The following SLC4A1 variants were observed in gnomAD, a reference collection of about 807,000 sequenced individuals.
SLC4A1 encodes band 3 anion transport protein.
A neutral mutation model predicts 93.1 loss-of-function variants in SLC4A1; 29 were observed. That is an observed-to-expected ratio of 0.31 (90% CI 0.23 to 0.42). The LOEUF is 0.42. SLC4A1 is among the 20% of genes least tolerant of loss of function. SLC4A1 has a pLI of 1.00. For synonymous variants in SLC4A1, 469 were observed against 497.2 expected (o/e 0.94, Z 0.76); for missense variants, 965 against 1,190.1 (o/e 0.81, Z 2.78).
chr17:44,267,646 G>GGATA (rs1478028941), intron 1 of SLC4A1, among the ~76,000 whole-genome samples: 1 of 152,204 alleles, frequency 6.6e-6, no homozygotes, highest in African/African-American at 2.4e-5. Context: ...GTCCCAAAGG[G>GGATA]GATACTGTGT....
chr17:44,264,460 G>GAAAAC (rs1555597980), intron 1 of SLC4A1, among the ~76,000 whole-genome samples: 2 of 152,046 alleles, frequency 1.3e-5, no homozygotes, highest in Admixed American at 6.6e-5. Flanking sequence ...TCTTTAGAAG[G>GAAAAC]AAAACAAAAC....
At position 44,255,840 on chromosome 17, in the gene SLC4A1, G is replaced by A; in HGVS notation, c.1633C>T (p.Gln545Ter). 1 of 1,614,132 alleles carries A rather than the reference G, an allele frequency of 6.2e-7. No individual in the cohort carries two copies. Among genetic ancestry groups the A allele is most frequent in the Non-Finnish European group, 8.5e-7 (1 of 1,180,014 alleles). ...ETFSKLIKIFQDHPLQKTYNY... is the reference protein window; with the variant it reads ...ETFSKLIKIF ...TAAGTCTTCTGTAGTGGGTGGTCCT[G>A]GAAGATCTGCAGCAGAAAACCAAGG... Residue 545 changes from glutamine to a stop codon, truncating the protein, a stop_gained, in exon 14 of 20, where the codon CAG becomes TAG. Transcript: ENST00000262418. LOFTEE classifies it high-confidence loss of function.
Position 44,254,485 on chromosome 17 carries a change from CT to C in SLC4A1, c.2057+10del, listed in dbSNP as rs1189241742. On this transcript the variant is annotated intron_variant, in intron 16 of 19. Transcript: ENST00000262418. ...CACCCTCCCAGGCCCAGCCCCCACC[CT>C]GTCTCTCACGTGGTGATCTGAGACT... The C allele has an allele frequency of 6.2e-7, 1 of 1,607,792 alleles. No homozygotes were observed. The highest frequency in any genetic ancestry group is 8.5e-7 in the Non-Finnish European group (1 of 1,174,966).
At position 44,254,615 on chromosome 17, in the gene SLC4A1, C is replaced by T; in HGVS notation, c.1938G>A (p.Arg646=). The part of the protein sequence containing the change: ...DGFKVSNSSA[R]GWVIHPLGLR... ...AGCCCAGTGGGTGGATGACCCAGCC[C>T]CGGGCTGAGGAGTTGGACACCTTGA... Residue 646 remains arginine (R), a synonymous_variant, in exon 16 of 20, where the codon CGG becomes CGA. Coordinates refer to ENST00000262418, the MANE Select transcript of SLC4A1 (RefSeq NM_000342.4). 6.2e-7 allele frequency: 1 copy of T among 1,614,118 alleles called. No individual in the cohort carries two copies. Among genetic ancestry groups the T allele is most frequent in the South Asian group, 1.1e-5 (1 of 91,080 alleles).
chr17:44,260,166 G>C (rs2047429901), intron 6 of SLC4A1, among the ~76,000 whole-genome samples: 1 of 152,196 alleles, frequency 6.6e-6, no homozygotes, highest in African/African-American at 2.4e-5. Context: ...GGGATCAAGA[G>C]TGGCTACAGA....
chr17:44,258,153 A>G lies in SLC4A1; in HGVS notation c.1115T>C (p.Leu372Pro). 2 of 1,614,096 alleles carry G rather than the reference A, an allele frequency of 1.2e-6. No individual in the cohort carries two copies. Among genetic ancestry groups the G allele is most frequent in the South Asian group, 1.1e-5 (1 of 91,086 alleles). ...LDLNGGPDDP[L>P]QQTGQLFGGL... ...CCCGAAGAGCTGGCCTGTCTGCTGCAGAGGGTCATCTGGGCCCCCATTTAA... is the reference window on the plus strand; with the variant it reads ...CCCGAAGAGCTGGCCTGTCTGCTGCGGAGGGTCATCTGGGCCCCCATTTAA... Residue 372 changes from leucine to proline, a missense_variant, in exon 11 of 20, where the codon CTG becomes CCG. By Grantham distance (98) the Leu-to-Pro change is moderately conservative. Around this residue, in one of 2 missense-constraint regions of SLC4A1, gnomAD observed 770 missense variants for 1,006.6 expected, o/e 0.76. Coordinates refer to ENST00000262418, the MANE Select transcript of SLC4A1 (RefSeq NM_000342.4). This position sits in a 1 kb window ranked among gnomAD's most constrained non-coding sequence, Gnocchi z 6.1.
At chr17:44,252,257 G>A (rs1015144110) in intron 17 of SLC4A1, among the ~76,000 whole-genome samples, 2 of 151,966 alleles carry the variant, frequency 1.3e-5, no homozygotes, top group South Asian at 4.2e-4. Context: ...GTTTCACCAT[G>A]TTGGACAGGG....
At chr17:44,254,345 C>T in intron 16 of SLC4A1, 151 bp downstream of exon 16, 1 of 716,242 alleles carries the variant, frequency 1.4e-6, no homozygotes, top group Non-Finnish European at 2.4e-6. Flanking sequence ...CTGGAACTGC[C>T]CCTGGCTTTT....
Position 44,259,192 on chromosome 17 carries a change from GGCCAA to G in SLC4A1, c.842_846del (p.Leu281ProfsTer88). On this transcript the variant is annotated frameshift_variant, in exon 9 of 20. Transcript: ENST00000262418. LOFTEE classifies it high-confidence loss of function. ...TCTGACATGAGGGTGGCAGCAGCCC[GGCCAA>G]GCTGGGTGTAATCGATGTGGGGGGC... 1 of 1,613,994 alleles carries G rather than the reference GGCCAA, an allele frequency of 6.2e-7. No individual in the cohort carries two copies. Among genetic ancestry groups the G allele is most frequent in the Non-Finnish European group, 8.5e-7 (1 of 1,180,040 alleles).
At chr17:44,254,771 G>C in intron 15 of SLC4A1, 109 bp from the exon 16 acceptor site, 1 of 906,756 alleles carries the variant, frequency 1.1e-6, no homozygotes, top group Non-Finnish European at 1.7e-6. Context: ...GGAGGCACTT[G>C]GGAACTTACT....
Position 44,259,309 on chromosome 17 carries a change from A to C in SLC4A1, c.730T>G (p.Phe244Val), listed in dbSNP as rs1319543511. Residue 244 changes from phenylalanine (F) to valine (V), a missense_variant, in exon 9 of 20, where the codon TTC becomes GTC. By Grantham distance (50) the Phe-to-Val change is conservative. Transcript: ENST00000262418. ...ADFLEQPVLG[F>V]VRLQEAAELE... ...TCCGCTGCCTCCTGCAGCCTCACGA[A>C]GCCCAGCACCGGCTGCTCCAGGAAG... The C allele has an allele frequency of 6.2e-7, 1 of 1,613,914 alleles. No homozygotes were observed. Among genetic ancestry groups the C allele is most frequent in the Non-Finnish European group, 8.5e-7 (1 of 1,180,002 alleles).
rs1242653817 is a variant in SLC4A1 at position 44,251,527 on chromosome 17, G to A, written c.2373C>T (p.Ile791=). The change falls in exon 18 of 20, where the codon ATC becomes ATT. Residue 791 remains isoleucine, a synonymous_variant. Coordinates refer to ENST00000262418, the MANE Select transcript of SLC4A1 (RefSeq NM_000342.4). ...SRIPLAVLFG[I]FLYMGVTSLS... The stretch of plus-strand genomic sequence containing the variant: ...GCGACGTGACCCCCATGTAGAGGAA[G>A]ATGCCAAACAGTACAGCCAGGGGGA... The A allele has an allele frequency of 1.2e-6, 2 of 1,614,164 alleles. No individual in the cohort carries two copies. The highest frequency in any genetic ancestry group is 1.7e-6 in the Non-Finnish European group (2 of 1,180,026).
rs767364927 is a variant in SLC4A1 at position 44,251,173 on chromosome 17, C to T, written c.2641G>A (p.Val881Met). The part of the protein sequence containing the change: ...RVLLPLIFRN[V>M]ELQCLDADDA... The stretch of plus-strand genomic sequence containing the variant: ...CAGCCACTCACACACTGAAGCTCCA[C>T]GTTCCTGAAGATGAGCGGCAGCAGG... The change falls in exon 19 of 20, where the codon GTG becomes ATG. Residue 881 changes from valine (V) to methionine (M), a missense_variant. Physicochemically the swap from Val to Met is conservative, Grantham distance 21 (BLOSUM62 1). Transcript: ENST00000262418. The T allele has an allele frequency of 1.7e-5, 28 of 1,605,568 alleles. No individual in the cohort carries two copies. Among genetic ancestry groups the T allele is most frequent in the Middle Eastern group, 1.7e-4 (1 of 5,906 alleles).
rs763153699 is a variant in SLC4A1 at position 44,259,217 on chromosome 17, G to T, written c.822C>A (p.Pro274=). 15 of 1,614,030 alleles carry T rather than the reference G, an allele frequency of 9.3e-6. No homozygotes were observed. Among genetic ancestry groups the T allele is most frequent in the Non-Finnish European group, 1.3e-5 (15 of 1,180,032 alleles). ...GGCCAAGCTGGGTGTAATCGATGTGGGGGGCCTCAGGTCCCAGCAACACAA... is the reference window on the plus strand; with the variant it reads ...GGCCAAGCTGGGTGTAATCGATGTGTGGGGCCTCAGGTCCCAGCAACACAA... ...FLFVLLGPEA[P]HIDYTQLGRA... is the part of the protein sequence containing the mutation. The change falls in exon 9 of 20, where the codon CCC becomes CCA. Residue 274 remains proline (P), a synonymous_variant. Transcript: ENST00000262418.
intron 19 of SLC4A1, 47 bp from the exon 20 acceptor site, chr17:44,250,585 C>T: frequency 1.3e-6 from 2 of 1,494,672 alleles, no homozygotes; most frequent in Non-Finnish European, 1.9e-6. Flanking sequence ...ACCCTGGGGC[C>T]AGAAGAGCCC....
chr17:44,252,148 T>C (rs1299466336), intron 17 of SLC4A1, among the ~76,000 whole-genome samples: 1 of 144,036 alleles, frequency 6.9e-6, no homozygotes, highest in Non-Finnish European at 1.5e-5. Flanking sequence ...CTCCGCCTCC[T>C]GGGTTCAAGC....
In SLC4A1 at chr17:44,253,408, C is replaced by T. The variant is rs201915292; in HGVS notation, c.2058-37G>A. The T allele has an allele frequency of 1.2e-3, 1,933 of 1,590,580 alleles. 35 individuals carry two copies. In the South Asian group the frequency reaches 0.018, roughly 15 times the overall value. On this transcript the variant is annotated intron_variant, in intron 16 of 19. Transcript: ENST00000262418. Reference sequence around the variant, plus strand: ...GAAGGTGAGGGGTAAGCAGGGTTCTCCCCTGCCTCCTCCACCCCCTCCTTC... The same window carrying T: ...GAAGGTGAGGGGTAAGCAGGGTTCTTCCCTGCCTCCTCCACCCCCTCCTTC...
chr17:44,263,510 A>G (rs2047465498), intron 1 of SLC4A1, among the ~76,000 whole-genome samples: 1 of 151,960 alleles, frequency 6.6e-6, no homozygotes, highest in South Asian at 2.1e-4. Flanking sequence ...TGTGGTTCCT[A>G]GAACTCACTA....
At position 44,257,643 on chromosome 17, in the gene SLC4A1, G is replaced by A. The variant is rs778320060; in HGVS notation, c.1431+16C>T. 12 of 1,613,610 alleles carry A rather than the reference G, an allele frequency of 7.4e-6. No homozygotes were observed. The highest frequency in any genetic ancestry group is 1.0e-5 in the Non-Finnish European group (12 of 1,179,960). ...CGGGGGACATGACAGGGTCAGTGGG[G>A]CAAGGACAGAACTACCGAGAAGAAG... On this transcript the variant is annotated intron_variant, in intron 12 of 19. Coordinates refer to ENST00000262418, the MANE Select transcript of SLC4A1 (RefSeq NM_000342.4).
Sources: gnomAD v4.1 joint callset for allele counts (sites outside exome capture counted in the v4.1 genomes callset) on GRCh38, gnomAD v4.1.1 for gene constraint, gnomAD v4.1.1 regional missense constraint, Gnocchi (gnomAD v3.1) non-coding constraint, MANE v1.5 for transcripts, NCBI Gene and HGNC (gene_info 2026-07-23, HGNC 2026-07-21) for gene names.